Variants in ZNF37A observed in about 807,000 individuals in gnomAD.
ZNF37A encodes zinc finger protein 37a (KOX 21).
ZNF37A carries 10 observed loss-of-function variants against 12.3 expected under a neutral mutation model. The ratio of observed to expected loss-of-function variants is 0.82; its 90% CI spans 0.50 to 1.38. The LOEUF (loss-of-function observed/expected upper bound fraction) is 1.38. Among genes scored for constraint, ZNF37A ranks in the 40% most tolerant of loss-of-function variants. The pLI is 0.00. For synonymous variants in ZNF37A, 207 were observed against 223.0 expected (o/e 0.93, Z 0.64); for missense variants, 580 against 651.2 (o/e 0.89, Z 1.19).
intron 7 of ZNF37A, chr10:38,117,058 G>A (rs1428813175): frequency 2.0e-5 from 10 of 495,762 alleles, no homozygotes; most frequent in African/African-American, 1.5e-4. Context: ...GCAGTGAGCC[G>A]AGATCACGTC....
chr10:38,109,629 G>C (rs976424077), intron 5 of ZNF37A, among the ~76,000 whole-genome samples: 11 of 152,174 alleles, frequency 7.2e-5, no homozygotes, highest in African/African-American at 2.7e-4. Context: ...AAGCTGATAA[G>C]CAACTTCAGG....
chr10:38,112,746 T>TCGG (rs1564931904), intron 5 of ZNF37A, among the ~76,000 whole-genome samples: 1,339 of 106,402 alleles, frequency 0.013, 132 homozygotes, highest in Non-Finnish European at 0.017. Flanking sequence ...TTTTCTTTTC[T>TCGG]TTTCTTTTCT....
In ZNF37A at chr10:38,112,763, T is replaced by TGG. The variant is rs1564932137; in HGVS notation, c.16-1992_16-1991insGG. Reference sequence around the variant, plus strand: ...TTCTTTTCTTTTCTTTTCTTTTCTTTTCTTTTCTTTTCTTTTCTTTTCTTT... The same window carrying TGG: ...TTCTTTTCTTTTCTTTTCTTTTCTTTGGTCTTTTCTTTTCTTTTCTTTTCTTT... On this transcript the variant is annotated intron_variant, in intron 5 of 7. Transcript: ENST00000685332. Among the ~76,000 whole-genome samples the TGG allele has an allele frequency of 5.8e-4, 37 of 63,738 alleles. 8 individuals carry two copies. The highest frequency in any genetic ancestry group is 2.6e-3 in the East Asian group (4 of 1,518). The allele number at this position is 63,738 out of a possible 152,430, so 41.8% of individuals were successfully genotyped here.
At chr10:38,127,910 A>G (rs1164942299), downstream of ZNF37A, among the ~76,000 whole-genome samples, 1 of 152,214 alleles carries the variant, frequency 6.6e-6, no homozygotes, top group South Asian at 2.1e-4. Flanking sequence ...AGTTACCTGA[A>G]AAAAGTGACA....
In ZNF37A at chr10:38,122,502, G is replaced by C. The variant is rs1219775176; in HGVS notation, c.*3665G>C. On this transcript the variant is annotated 3_prime_UTR_variant, in exon 8 of 8. Transcript: ENST00000685332. ...GCATAACAACAGACACATAGGAACA[G>C]TATAGACAACCCAGAAACAAATTCA... 4 of 152,118 alleles carry C rather than the reference G, an allele frequency of 2.6e-5. No individual in the cohort carries two copies. Among genetic ancestry groups the C allele is most frequent in the African/African-American group, 9.7e-5 (4 of 41,424 alleles). The allele number at this position is 152,118 out of a possible 1,614,324, so 9.4% of individuals were successfully genotyped here.
chr10:38,096,356 C>T (rs1459874467), intron 4 of ZNF37A, among the ~76,000 whole-genome samples: 2 of 152,142 alleles, frequency 1.3e-5, no homozygotes, highest in Non-Finnish European at 2.9e-5. Flanking sequence ...TTTAATATAT[C>T]GGTTTGCATA....
downstream of ZNF37A, among the ~76,000 whole-genome samples, chr10:38,128,992 T>A (rs1198227608): frequency 6.6e-6 from 1 of 152,114 alleles, no homozygotes; most frequent in African/African-American, 2.4e-5. Context: ...GACCTCGTGA[T>A]CTGCCCACCT....
downstream of ZNF37A, chr10:38,125,061 T>C (rs1237107756): frequency 1.3e-5 from 2 of 152,212 alleles, no homozygotes; most frequent in Admixed American, 6.5e-5. Flanking sequence ...AACTTAAAAC[T>C]TGTAGAAGAA....
At chr10:38,128,293 A>G (rs999548894), downstream of ZNF37A, among the ~76,000 whole-genome samples, 1 of 152,172 alleles carries the variant, frequency 6.6e-6, no homozygotes, top group Non-Finnish European at 1.5e-5. Context: ...TCATTAATTT[A>G]TGTCGGGCCC....
At chr10:38,110,486 G>A (rs1352957226) in intron 5 of ZNF37A, among the ~76,000 whole-genome samples, 1 of 152,088 alleles carries the variant, frequency 6.6e-6, no homozygotes. Flanking sequence ...TTGACAAATG[G>A]GATCTAATTA....
At chr10:38,114,904 G>A (rs745823188) in intron 6 of ZNF37A, 23 bp downstream of exon 6, 1 of 1,596,694 alleles carries the variant, frequency 6.3e-7, no homozygotes, top group African/African-American at 1.3e-5. Context: ...TGTTTCCCAT[G>A]TAGAAGGCCA....
intron 7 of ZNF37A, among the ~76,000 whole-genome samples, chr10:38,144,715 T>G (rs564798072): frequency 1.3e-5 from 2 of 152,250 alleles, no homozygotes; most frequent in South Asian, 4.1e-4. Context: ...CTATGTCTGC[T>G]TGGATGAAGT....
In ZNF37A at chr10:38,141,690, A is replaced by G. The variant is rs1022366125; in HGVS notation, c.239-5042A>G. 5 of 152,212 alleles carry G rather than the reference A, an allele frequency of 3.3e-5. No individual in the cohort carries two copies. In the South Asian group the frequency reaches 6.2e-4, roughly 19 times the overall value. 9.4% of individuals were successfully genotyped at this position (152,212 alleles called of 1,614,324 possible). On this transcript the variant is annotated intron_variant, in intron 7 of 7. Transcript: ENST00000638053. ...AATTCTTCTTAGTGTTGTTAAATAT[A>G]TTATAGTTACATGAGATGTTAACCT...
chr10:38,105,655 G>A (rs1227684469), intron 5 of ZNF37A, among the ~76,000 whole-genome samples: 4 of 152,148 alleles, frequency 2.6e-5, no homozygotes, highest in Non-Finnish European at 5.9e-5. Context: ...TAAAGGCCAT[G>A]CCGCTTCATA....
In ZNF37A at chr10:38,122,303, A is replaced by G. The variant is rs2069747049; in HGVS notation, c.*3466A>G. ...ATGGATAAACTGTGGAACATCCAGA[A>G]AACTTTAACATTCTTCAAAGAAATA... On this transcript the variant is annotated 3_prime_UTR_variant, in exon 8 of 8. Transcript: ENST00000685332. 6.6e-6 allele frequency: 1 copy of G among 152,176 alleles called. No individual in the cohort carries two copies. The highest frequency in any genetic ancestry group is 6.5e-5 in the Admixed American group (1 of 15,270). The allele number at this position is 152,176 out of a possible 1,614,324, so 9.4% of individuals were successfully genotyped here.
At chr10:38,112,766 T>G (rs1274626108) in intron 5 of ZNF37A, among the ~76,000 whole-genome samples, 11 of 58,018 alleles carry the variant, frequency 1.9e-4, no homozygotes, top group East Asian at 1.4e-3. Flanking sequence ...TTTTCTTTTC[T>G]TTTCTTTTCT....
chr10:38,134,816 G>A (rs1341013077), intron 7 of ZNF37A, among the ~76,000 whole-genome samples: 2 of 152,172 alleles, frequency 1.3e-5, no homozygotes, highest in Admixed American at 1.3e-4. Flanking sequence ...TACTGTCTTC[G>A]AAGCTGTCAG....
intron 5 of ZNF37A, among the ~76,000 whole-genome samples, chr10:38,107,271 G>A (rs1404781491): frequency 6.6e-6 from 1 of 152,136 alleles, no homozygotes; most frequent in Non-Finnish European, 1.5e-5. Flanking sequence ...ATAAGTGAAG[G>A]AGAAATAAAA....
At position 38,095,234 on chromosome 10, in the gene ZNF37A, G is replaced by A. The variant is rs1428140569; in HGVS notation, c.-198+10G>A. 6.6e-6 allele frequency: 1 copy of A among 152,348 alleles called. No individual in the cohort carries two copies. The allele number at this position is 152,348 out of a possible 1,614,324, so 9.4% of individuals were successfully genotyped here. Reference sequence around the variant, plus strand: ...AAGCAGCTGTTGTGGGGTAAGAAGGGAAGGGTGGGGGGCGAGGGCCCAGGG... The same window carrying A: ...AAGCAGCTGTTGTGGGGTAAGAAGGAAAGGGTGGGGGGCGAGGGCCCAGGG... On this transcript the variant is annotated intron_variant, in intron 2 of 7. Coordinates refer to ENST00000685332, the MANE Select transcript of ZNF37A (RefSeq NM_001324250.3).
Sources: gnomAD v4.1 joint callset for allele counts (sites outside exome capture counted in the v4.1 genomes callset) on GRCh38, gnomAD v4.1.1 for gene constraint, MANE v1.5 for transcripts, NCBI Gene and HGNC (gene_info 2026-07-23, HGNC 2026-07-21) for gene names.